CTNNBL1: variants seen among roughly 807,000 people sequenced by gnomAD.
The protein encoded by CTNNBL1 is catenin beta like 1.
Under a neutral mutation model 72.7 loss-of-function variants are expected in CTNNBL1, and 31 were observed. The ratio of observed to expected loss-of-function variants is 0.43; its 90% CI spans 0.32 to 0.58. The LOEUF (loss-of-function observed/expected upper bound fraction) is 0.58. Among genes scored for constraint, CTNNBL1 ranks in the 20% least tolerant of loss-of-function variants. The pLI is 0.08. For synonymous variants in CTNNBL1, 240 were observed against 267.3 expected, an observed-to-expected ratio of 0.90 and a Z score of 1.00; for missense variants, 534 against 725.1, an observed-to-expected ratio of 0.74 and a Z score of 3.03.
chr20:37,703,785 CTTT>C (rs768351287), intron 1 of CTNNBL1, among the ~76,000 whole-genome samples: 9 of 138,202 alleles, frequency 6.5e-5, no homozygotes, highest in Admixed American at 1.4e-4. Context: ...AGGTTCTTTA[CTTT>C]TTTTTTTTTT....
chr20:37,756,300 CTG>C (rs1487074232), intron 4 of CTNNBL1: 1 of 152,204 alleles, frequency 6.6e-6, no homozygotes, highest in Non-Finnish European at 1.5e-5. Context: ...GATGAGGAAA[CTG>C]AGGCCCAGAA....
chr20:37,864,751 G>A (rs2072522857), intron 15 of CTNNBL1, among the ~76,000 whole-genome samples: 1 of 152,188 alleles, frequency 6.6e-6, no homozygotes, highest in South Asian at 2.1e-4. Context: ...TATTTCTGTG[G>A]TGCTCGGCAC....
chr20:37,845,248 A>G (rs1231892240), intron 13 of CTNNBL1, among the ~76,000 whole-genome samples: 9 of 152,286 alleles, frequency 5.9e-5, no homozygotes, highest in Admixed American at 5.2e-4. Flanking sequence ...GAGACCTAGT[A>G]AGTGGCTGGG....
At chr20:37,809,307 G>A (rs1286312183) in intron 11 of CTNNBL1, among the ~76,000 whole-genome samples, 1 of 152,204 alleles carries the variant, frequency 6.6e-6, no homozygotes, top group Non-Finnish European at 1.5e-5. Flanking sequence ...GACACTTCTG[G>A]TGGGAGGGAG....
chr20:37,774,727 A>G (rs1025656063), intron 7 of CTNNBL1, among the ~76,000 whole-genome samples: 1 of 152,154 alleles, frequency 6.6e-6, no homozygotes, highest in African/African-American at 2.4e-5. Context: ...CATGAGGAAG[A>G]TATTAATTTG....
intron 1 of CTNNBL1, among the ~76,000 whole-genome samples, chr20:37,718,742 C>A (rs1337172413): frequency 6.6e-6 from 1 of 152,222 alleles, no homozygotes; most frequent in Non-Finnish European, 1.5e-5. Context: ...AGGCAAGGAA[C>A]AACTGCAGAA....
intron 4 of CTNNBL1, 27 bp downstream of exon 4, chr20:37,746,634 G>A (rs777002080): frequency 6.2e-7 from 1 of 1,613,810 alleles, no homozygotes; most frequent in Admixed American, 1.7e-5. Flanking sequence ...GACCTCAGTA[G>A]GAGAGCTGAC....
At chr20:37,801,981 C>T (rs186053188) in intron 10 of CTNNBL1, among the ~76,000 whole-genome samples, 8 of 152,342 alleles carry the variant, frequency 5.3e-5, no homozygotes, top group Non-Finnish European at 1.2e-4. Flanking sequence ...TTAGAACTAG[C>T]AAACGAGTTT....
chr20:37,839,543 C>T (rs968286906), intron 11 of CTNNBL1, among the ~76,000 whole-genome samples: 1 of 152,160 alleles, frequency 6.6e-6, no homozygotes, highest in African/African-American at 2.4e-5. Context: ...ACTCAGAAAG[C>T]CCTGTTAACT....
At chr20:37,795,275 T>C (rs1414421749) in intron 10 of CTNNBL1, among the ~76,000 whole-genome samples, 1 of 152,062 alleles carries the variant, frequency 6.6e-6, no homozygotes, top group Non-Finnish European at 1.5e-5. Flanking sequence ...GCCTTCCAAG[T>C]AGCTGGGACT....
At chr20:37,727,350 A>G (rs985059195) in intron 1 of CTNNBL1, 1 of 985,020 alleles carries the variant, frequency 1.0e-6, no homozygotes, top group Non-Finnish European at 1.2e-6. Flanking sequence ...CCTCAAGATT[A>G]TTGGCGAGTA....
chr20:37,794,804 C>CT (rs1342242431), intron 10 of CTNNBL1, among the ~76,000 whole-genome samples: 1 of 152,068 alleles, frequency 6.6e-6, no homozygotes, highest in Non-Finnish European at 1.5e-5. Context: ...GCCTGACTGC[C>CT]TTCATCTTTG....
rs760292530 is a variant in CTNNBL1, at chr20:37,757,675, G to A, written c.564+19G>A. The A allele has an allele frequency of 1.3e-6, 2 of 1,597,250 alleles. No individual in the cohort carries two copies. Among genetic ancestry groups the A allele is most frequent in the South Asian group, 2.2e-5 (2 of 90,424 alleles). On this transcript the variant is annotated intron_variant, in intron 5 of 15. Coordinates refer to ENST00000361383, the MANE Select transcript of CTNNBL1 (RefSeq NM_030877.5). ...TGCTCTGGTAAGTTGCACATCCTCT[G>A]GGGTTTTGCAGGTTTGTATAAGTTG...
At chr20:37,849,632 A>C (rs1302327296) in intron 13 of CTNNBL1, among the ~76,000 whole-genome samples, 2 of 152,238 alleles carry the variant, frequency 1.3e-5, no homozygotes, top group Admixed American at 6.5e-5. Flanking sequence ...AGTGTCTGTC[A>C]TATACTAAGC....
intron 11 of CTNNBL1, among the ~76,000 whole-genome samples, chr20:37,815,097 G>GTGTA (rs1167614186): frequency 1.3e-5 from 2 of 152,028 alleles, no homozygotes; most frequent in East Asian, 3.9e-4. Context: ...GTGTGTGTGT[G>GTGTA]TGTGTGTGTA....
At chr20:37,833,441 C>CT (rs1490347870) in intron 11 of CTNNBL1, among the ~76,000 whole-genome samples, 2 of 152,196 alleles carry the variant, frequency 1.3e-5, no homozygotes, top group African/African-American at 4.8e-5. Flanking sequence ...GGCAGGGACT[C>CT]TCACTGGCAC....
chr20:37,757,777 C>G (rs1404123963), intron 5 of CTNNBL1, 121 bp downstream of exon 5: 1 of 679,788 alleles, frequency 1.5e-6, no homozygotes, highest in Non-Finnish European at 2.6e-6. Context: ...TGTGGTGAGG[C>G]TGGAGTGAAT....
intron 15 of CTNNBL1, among the ~76,000 whole-genome samples, chr20:37,870,029 G>A (rs922414678): frequency 1.3e-5 from 2 of 150,686 alleles, no homozygotes; most frequent in Non-Finnish European, 3.0e-5. Flanking sequence ...AAAAAAAACA[G>A]GGTGACCATG....
chr20:37,765,553 G>T (rs1305354264), intron 6 of CTNNBL1, among the ~76,000 whole-genome samples: 1 of 152,192 alleles, frequency 6.6e-6, no homozygotes, highest in Non-Finnish European at 1.5e-5. Context: ...TGGTTAGCGG[G>T]CCTTCGCCTC....
Sources: gnomAD v4.1 joint callset for allele counts (sites outside exome capture counted in the v4.1 genomes callset) on GRCh38, gnomAD v4.1.1 for gene constraint, MANE v1.5 for transcripts, NCBI Gene and HGNC (gene_info 2026-07-23, HGNC 2026-07-21) for gene names.